TEX36: variants seen among roughly 807,000 people sequenced by gnomAD.
TEX36 encodes testis-expressed protein 36.
Under a neutral mutation model 13.6 loss-of-function variants are expected in TEX36, and 12 were observed. The ratio of observed to expected loss-of-function variants is 0.88; its 90% confidence interval spans 0.56 to 1.43. The LOEUF is 1.43. Ranked by LOEUF, TEX36 falls within the 40% of genes most tolerant of loss-of-function variation. TEX36 has a pLI of 0.00. For synonymous variants in TEX36, 93 were observed against 83.0 expected (o/e 1.12, Z -0.65); for missense variants, 224 against 228.3 (o/e 0.98, Z 0.12).
At chr10:125,674,463 C>T (rs1233429690) in intron 1 of TEX36, among the ~76,000 whole-genome samples, 1 of 152,186 alleles carries the variant, frequency 6.6e-6, no homozygotes, top group Non-Finnish European at 1.5e-5. Flanking sequence ...TGTGCCCTTG[C>T]TGGAGAGGTG....
chr10:125,601,676 T>A (rs1846148654), intron 3 of TEX36, among the ~76,000 whole-genome samples: 1 of 152,210 alleles, frequency 6.6e-6, no homozygotes, highest in African/African-American at 2.4e-5. Context: ...ATGGCTCAAC[T>A]GGGGATCCAG....
At chr10:125,648,446 C>T (rs1364106308) in intron 3 of TEX36, among the ~76,000 whole-genome samples, 2 of 152,208 alleles carry the variant, frequency 1.3e-5, no homozygotes, top group Admixed American at 6.5e-5. Context: ...AGGGTCCTGA[C>T]TGTTAGAAGG....
intron 1 of TEX36, among the ~76,000 whole-genome samples, chr10:125,676,722 T>C (rs778263489): frequency 5.3e-5 from 8 of 152,210 alleles, no homozygotes; most frequent in Non-Finnish European, 1.5e-5. Context: ...CTGCTTGTCA[T>C]TGTGGTTCGG....
intron 3 of TEX36, among the ~76,000 whole-genome samples, chr10:125,607,488 C>T (rs1386786395): frequency 1.3e-5 from 2 of 152,170 alleles, no homozygotes; most frequent in Non-Finnish European, 2.9e-5. Flanking sequence ...ACATCTCTAA[C>T]CTTGACAGCA....
intron 3 of TEX36, among the ~76,000 whole-genome samples, chr10:125,593,195 C>A (rs1846043167): frequency 6.6e-6 from 1 of 152,242 alleles, no homozygotes; most frequent in African/African-American, 2.4e-5. Flanking sequence ...GGGCCCCAGC[C>A]ACCAGTCATC....
At chr10:125,637,120 G>A (rs981342595) in intron 3 of TEX36, among the ~76,000 whole-genome samples, 35 of 151,850 alleles carry the variant, frequency 2.3e-4, no homozygotes, top group African/African-American at 8.2e-4. Context: ...TAGGCAACAT[G>A]GCAAGACCCC....
At chr10:125,656,246 GTTCTT>G (rs1846940291) in intron 3 of TEX36, 50 bp from the exon 4 acceptor site, 7 of 432,954 alleles carry the variant, frequency 1.6e-5, no homozygotes, top group African/African-American at 2.5e-5. Context: ...AGTTCACATA[GTTCTT>G]TTTTTTTTTT....
downstream of TEX36, among the ~76,000 whole-genome samples, chr10:125,651,384 A>G (rs995113831): frequency 2.6e-5 from 4 of 152,238 alleles, no homozygotes; most frequent in African/African-American, 9.6e-5. Context: ...AAACAAAACC[A>G]AAGACAAAAA....
chr10:125,636,406 G>A, intron 3 of TEX36, among the ~76,000 whole-genome samples: 1 of 149,622 alleles, frequency 6.7e-6, no homozygotes, highest in South Asian at 2.1e-4. Flanking sequence ...AGTAGAGGCG[G>A]GGTTTCACCG....
chr10:125,629,473 T>G (rs1320650679), intron 3 of TEX36, among the ~76,000 whole-genome samples: 1 of 152,196 alleles, frequency 6.6e-6, no homozygotes, highest in East Asian at 1.9e-4. Context: ...ATTACTTTGT[T>G]CATTATAAAA....
intron 3 of TEX36, among the ~76,000 whole-genome samples, chr10:125,648,302 A>G (rs1164140517): frequency 1.3e-5 from 2 of 152,186 alleles, no homozygotes; most frequent in Non-Finnish European, 2.9e-5. Context: ...TCTGAGATGA[A>G]GCTTCCAGAG....
chr10:125,583,423 G>A (rs866280978), intron 3 of TEX36, among the ~76,000 whole-genome samples: 2 of 151,762 alleles, frequency 1.3e-5, no homozygotes, highest in African/African-American at 2.4e-5. Flanking sequence ...GGGAATGAAC[G>A]CTGTGTTTTT....
chr10:125,669,089 G>A lies in TEX36; in HGVS notation c.52-7112C>T, dbSNP rs534936120. ...AGGCAGATCACGAGGTCAAGAGATC[G>A]AGACCATCTTGGCCAACATGGTGAA... On this transcript the variant is annotated intron_variant, in intron 1 of 3. Transcript: ENST00000368821. Among the ~76,000 whole-genome samples the A allele has an allele frequency of 1.4e-4, 22 of 152,112 alleles. No individual in the cohort carries two copies. The East Asian group carries it at 3.5e-3, about 24-fold the overall frequency.
At chr10:125,611,393 A>G (rs944931494) in intron 3 of TEX36, among the ~76,000 whole-genome samples, 2 of 152,152 alleles carry the variant, frequency 1.3e-5, no homozygotes, top group Non-Finnish European at 2.9e-5. Context: ...ATCCCTGCCA[A>G]TTTCATAACC....
At chr10:125,628,370 C>T (rs1846512104) in intron 3 of TEX36, among the ~76,000 whole-genome samples, 1 of 152,202 alleles carries the variant, frequency 6.6e-6, no homozygotes, top group African/African-American at 2.4e-5. Flanking sequence ...GTTATTGTGG[C>T]CTCTGGTGTG....
chr10:125,616,098 T>A (rs548769007), intron 3 of TEX36, among the ~76,000 whole-genome samples: 1 of 152,340 alleles, frequency 6.6e-6, no homozygotes, highest in Admixed American at 6.5e-5. Flanking sequence ...TCTCTGATGG[T>A]AGTTTGTATT....
downstream of TEX36, among the ~76,000 whole-genome samples, chr10:125,618,915 G>T (rs1350091469): frequency 2.3e-5 from 3 of 132,756 alleles, no homozygotes; most frequent in Non-Finnish European, 4.6e-5. Flanking sequence ...GACCATCCTG[G>T]CTAACACGGT....
At chr10:125,653,336 A>T (rs1846892036), downstream of TEX36, among the ~76,000 whole-genome samples, 1 of 152,100 alleles carries the variant, frequency 6.6e-6, no homozygotes, top group Non-Finnish European at 1.5e-5. Context: ...TGTCCTTTGT[A>T]GGGACATGGA....
At chr10:125,576,829 G>C in exon 4 of TEX36, 1 of 1,536,030 alleles carries the variant, frequency 6.5e-7, no homozygotes, top group South Asian at 1.2e-5. Flanking sequence ...TAGAACTCTT[G>C]TCTCTTGTCT....
Sources: allele counts gnomAD v4.1 joint callset (sites outside exome capture counted in the v4.1 genomes callset), GRCh38; gene constraint gnomAD v4.1.1; transcripts MANE v1.5; gene names NCBI Gene and HGNC (gene_info 2026-07-23, HGNC 2026-07-21).